PPP5C: variants seen among roughly 807,000 people sequenced by gnomAD.
PPP5C encodes the protein protein phosphatase 5 catalytic subunit.
PPP5C carries 21 observed loss-of-function variants against 66.7 expected under a neutral mutation model. That is an observed-to-expected ratio of 0.31 (90% CI 0.22 to 0.45). The LOEUF is 0.45. PPP5C is among the 20% of genes least tolerant of loss of function. The pLI is 1.00. For missense variants in PPP5C, 464 were observed against 675.9 expected, an observed-to-expected ratio of 0.69 and a Z score of 3.48; for synonymous variants, 246 against 257.4, an observed-to-expected ratio of 0.96 and a Z score of 0.43.
Position 46,368,006 on chromosome 19 carries a change from C to T in PPP5C, c.364-7598C>T, listed in dbSNP as rs529500421. Among the ~76,000 whole-genome samples, 14 of 152,210 alleles carry T rather than the reference C, an allele frequency of 9.2e-5. No homozygotes were observed. The South Asian group carries it at 1.9e-3, about 20-fold the overall frequency. Reference sequence around the variant, plus strand: ...CTCAGCAGCTGGCGGAAAATCCCCACGTTGGTTCCCTAAGCTGTGGAGTAA... The same window carrying T: ...CTCAGCAGCTGGCGGAAAATCCCCATGTTGGTTCCCTAAGCTGTGGAGTAA... On this transcript the variant is annotated intron_variant, in intron 2 of 12. Coordinates refer to ENST00000012443, the MANE Select transcript of PPP5C (RefSeq NM_006247.4).
In PPP5C at chr19:46,390,075, C is replaced by T. The variant is rs758032490; in HGVS notation, c.1380C>T (p.Ser460=). The T allele has an allele frequency of 6.2e-7, 1 of 1,614,184 alleles. No individual in the cohort carries two copies. Among genetic ancestry groups the T allele is most frequent in the Admixed American group, 1.7e-5 (1 of 60,026 alleles). Residue 460 remains serine, a synonymous_variant, in exon 12 of 13, where the codon TCC becomes TCT. Coordinates refer to ENST00000012443, the MANE Select transcript of PPP5C (RefSeq NM_006247.4). ...GCGACCAGATGGGGAACAAAGCCTC[C>T]TACATCCACCTCCAGGGCTCTGACC... ...NYCDQMGNKA[S]YIHLQGSDLR... is the part of the protein sequence containing the mutation.
In PPP5C at chr19:46,352,637, G is replaced by A. The variant is rs188446478; in HGVS notation, c.122-1111G>A. ...AGATCGAGACCATCCTGGCTAACACGGTGAAACCCCGTCTCTACTAAAAAT... is the reference window on the plus strand; with the variant it reads ...AGATCGAGACCATCCTGGCTAACACAGTGAAACCCCGTCTCTACTAAAAAT... On this transcript the variant is annotated intron_variant, in intron 1 of 12. Transcript: ENST00000012443. Among the ~76,000 whole-genome samples, 205 of 152,204 alleles carry A rather than the reference G, an allele frequency of 1.3e-3. 1 individual carries two copies. Among genetic ancestry groups the A allele is most frequent in the Middle Eastern group, 6.8e-3 (2 of 294 alleles).
At chr19:46,389,267 T>G (rs1473227678) in intron 11 of PPP5C, among the ~76,000 whole-genome samples, 2 of 151,090 alleles carry the variant, frequency 1.3e-5, no homozygotes, top group Non-Finnish European at 2.9e-5. Flanking sequence ...GAGGTTGCAG[T>G]GAGCTGAGAT....
At chr19:46,355,855 A>G (rs1972276270) in intron 2 of PPP5C, among the ~76,000 whole-genome samples, 1 of 151,524 alleles carries the variant, frequency 6.6e-6, no homozygotes, top group Non-Finnish European at 1.5e-5. Flanking sequence ...GGGGCAGAAG[A>G]GAGGAGCCCC....
intron 2 of PPP5C, among the ~76,000 whole-genome samples, chr19:46,364,659 T>TA (rs201029874): frequency 4.7e-5 from 7 of 149,170 alleles, no homozygotes; most frequent in East Asian, 3.9e-4. Flanking sequence ...GGGAGTTTCC[T>TA]AAAAAAAAAA....
intron 2 of PPP5C, among the ~76,000 whole-genome samples, chr19:46,362,971 T>A (rs1374110176): frequency 1.3e-5 from 2 of 149,980 alleles, no homozygotes; most frequent in African/African-American, 4.9e-5. Flanking sequence ...GTATTTTTAG[T>A]AGAGATGGGG....
chr19:46,370,865 C>T (rs1972578606), intron 2 of PPP5C, among the ~76,000 whole-genome samples: 1 of 152,098 alleles, frequency 6.6e-6, no homozygotes, highest in East Asian at 1.9e-4. Context: ...TTCAGCCTCT[C>T]TAGTACCTGG....
chr19:46,371,919 A>T (rs934294016), intron 2 of PPP5C, among the ~76,000 whole-genome samples: 4 of 152,062 alleles, frequency 2.6e-5, no homozygotes, highest in African/African-American at 9.7e-5. Context: ...TCCATGTGGG[A>T]TCTTGATGCT....
At chr19:46,385,493 A>T (rs1318955302) in intron 7 of PPP5C, among the ~76,000 whole-genome samples, 2 of 152,148 alleles carry the variant, frequency 1.3e-5, no homozygotes, top group South Asian at 4.1e-4. Flanking sequence ...AACATTTTTT[A>T]AAAAGGCCAG....
intron 4 of PPP5C, chr19:46,381,386 T>C (rs1255201600): frequency 1.3e-5 from 2 of 152,232 alleles, no homozygotes; most frequent in East Asian, 3.8e-4. Context: ...TACAATTTTA[T>C]TGTATGCCAG....
chr19:46,364,819 A>G (rs992526323), intron 2 of PPP5C, among the ~76,000 whole-genome samples: 4 of 148,332 alleles, frequency 2.7e-5, no homozygotes, highest in Non-Finnish European at 5.9e-5. Flanking sequence ...CATTTGGGCC[A>G]TTGCACTTTG....
chr19:46,349,330 G>A (rs2147356697), intron 1 of PPP5C, among the ~76,000 whole-genome samples: 1 of 152,150 alleles, frequency 6.6e-6, no homozygotes, highest in East Asian at 1.9e-4. Flanking sequence ...AGGGAAAGAT[G>A]GATTTTTTGT....
At chr19:46,378,409 A>G (rs539312033) in intron 4 of PPP5C, among the ~76,000 whole-genome samples, 3 of 152,336 alleles carry the variant, frequency 2.0e-5, no homozygotes, top group South Asian at 4.1e-4. Context: ...TGCAGTATGT[A>G]CTGGAAAATA....
chr19:46,367,790 G>C (rs141402348), intron 2 of PPP5C, among the ~76,000 whole-genome samples: 90 of 152,312 alleles, frequency 5.9e-4, no homozygotes, highest in African/African-American at 2.1e-3. Context: ...CAAGATGTCT[G>C]TCATGGACAC....
At chr19:46,365,224 C>T (rs1717539870) in intron 2 of PPP5C, among the ~76,000 whole-genome samples, 1 of 152,124 alleles carries the variant, frequency 6.6e-6, no homozygotes, top group Non-Finnish European at 1.5e-5. Context: ...CTCAAGTAAT[C>T]TGCCCACCTC....
intron 1 of PPP5C, 117 bp from the exon 2 acceptor site, chr19:46,353,631 C>T (rs912542552): frequency 1.1e-4 from 166 of 1,444,898 alleles, no homozygotes; most frequent in Non-Finnish European, 1.5e-4. Flanking sequence ...TGTCTCTGGG[C>T]TCAGGGTAGC....
chr19:46,354,651 G>T (rs762619969), intron 2 of PPP5C, among the ~76,000 whole-genome samples: 1 of 152,056 alleles, frequency 6.6e-6, no homozygotes, highest in Non-Finnish European at 1.5e-5. Context: ...ACAAAAATTA[G>T]CCAAGCGTGG....
rs542227066 is a variant in PPP5C at position 46,371,495 on chromosome 19, G to A, written c.364-4109G>A. On this transcript the variant is annotated intron_variant, in intron 2 of 12. Transcript: ENST00000012443. ...CTCTTTGTCCCTGGTTTATAGGTGA[G>A]GAAACCAAGGCCCAGAGGGTAGCTC... 1.4e-4 allele frequency among the ~76,000 whole-genome samples: 22 copies of A among 152,276 alleles called. 1 individual carries two copies. Among genetic ancestry groups the A allele is most frequent in the African/African-American group, 5.3e-4 (22 of 41,554 alleles).
At position 46,353,781 on chromosome 19, in the gene PPP5C, G is replaced by C. The variant is rs372875234; in HGVS notation, c.155G>C (p.Ser52Thr). The C allele has an allele frequency of 5.6e-6, 9 of 1,614,034 alleles. No homozygotes were observed. Among genetic ancestry groups the C allele is most frequent in the Non-Finnish European group, 6.8e-6 (8 of 1,180,038 alleles). Reference protein sequence around the residue: ...KDYENAIKFYSQAIELNPSNA... With the variant: ...KDYENAIKFYTQAIELNPSNA... ...TACGAGAACGCCATCAAGTTCTACA[G>C]CCAGGCCATCGAGCTGAACCCCAGC... The change falls in exon 2 of 13, where the codon AGC becomes ACC. Residue 52 changes from serine (S) to threonine (T), a missense_variant. Ser to Thr is a moderately conservative substitution (Grantham distance 58, BLOSUM62 1). Around this residue, in one of 2 missense-constraint regions of PPP5C, gnomAD observed 387 missense variants for 626.0 expected, o/e 0.62. Transcript: ENST00000012443.
Sources: gnomAD v4.1 joint callset for allele counts (sites outside exome capture counted in the v4.1 genomes callset) on GRCh38, gnomAD v4.1.1 for gene constraint, gnomAD v4.1.1 regional missense constraint, MANE v1.5 for transcripts, NCBI Gene and HGNC (gene_info 2026-07-23, HGNC 2026-07-21) for gene names.